Variants in SPATA31C2 observed in about 807,000 individuals in gnomAD.
SPATA31C2 encodes SPATA31 subfamily C member 2.
SPATA31C2 carries 5 observed loss-of-function variants against 11.4 expected under a neutral mutation model. The ratio of observed to expected loss-of-function variants is 0.44; its 90% CI spans 0.23 to 0.92. The LOEUF is 0.92. Among genes scored for constraint, SPATA31C2 ranks in the 40% least tolerant of loss-of-function variants. The probability of loss-of-function intolerance (pLI) is 0.24; values close to 1 mark genes in which losing one functional copy is unlikely to be tolerated. For synonymous variants in SPATA31C2, 515 were observed against 538.7 expected (o/e 0.96, Z 0.61); for missense variants, 1,353 against 1,368.6 (o/e 0.99, Z 0.18).
intron 1 of SPATA31C2, among the ~76,000 whole-genome samples, chr9:88,136,127 G>A (rs1476784357): frequency 7.3e-6 from 1 of 136,798 alleles, no homozygotes; most frequent in Non-Finnish European, 1.5e-5. Flanking sequence ...TAGAGACTGG[G>A]TTTCACCGTG....
chr9:88,133,992 A>G (rs765329927), intron 1 of SPATA31C2, among the ~76,000 whole-genome samples: 123 of 151,864 alleles, frequency 8.1e-4, no homozygotes, highest in Non-Finnish European at 1.4e-3. Flanking sequence ...CATCTCTACT[A>G]AAAATACAAA....
rs774015685 is a variant in SPATA31C2 at position 88,132,170 on chromosome 9, C to T, written c.867G>A (p.Ser289=). ...SNSQVSALSW[S]QETTKTWCVF... is the part of the protein sequence containing the mutation. The stretch of plus-strand genomic sequence containing the variant: ...CGCACCAGGTTTTGGTAGTCTCCTG[C>T]GACCAGGAGAGGGCAGAAACTTGAC... The change falls in exon 4 of 4, where the codon TCG becomes TCA. Residue 289 remains serine, a synonymous_variant. Transcript: ENST00000324915. 4.2e-5 allele frequency: 67 copies of T among 1,610,486 alleles called. No individual in the cohort carries two copies. The highest frequency in any genetic ancestry group is 5.0e-5 in the Non-Finnish European group (59 of 1,177,604).
At position 88,131,318 on chromosome 9, in the gene SPATA31C2, T is replaced by C; in HGVS notation, c.1719A>G (p.Glu573=). Residue 573 remains glutamate (E), a synonymous_variant, in exon 4 of 4, where the codon GAA becomes GAG. Transcript: ENST00000324915. ...LLRRTERNHI[E]NILKAHMSRK... is the part of the protein sequence containing the mutation. ...TGCTCATGTGGGCTTTCAGGATGTT[T>C]TCTATATGATTCCTCTCTGTGCGTC... The C allele has an allele frequency of 6.2e-7, 1 of 1,611,910 alleles. No individual in the cohort carries two copies. Among genetic ancestry groups the C allele is most frequent in the Non-Finnish European group, 8.5e-7 (1 of 1,179,864 alleles).
intron 1 of SPATA31C2, among the ~76,000 whole-genome samples, chr9:88,134,377 GAA>G (rs1825651033): frequency 6.8e-6 from 1 of 147,954 alleles, no homozygotes; most frequent in Non-Finnish European, 1.5e-5. Context: ...ACCCCACACA[GAA>G]GAGGCTGGGT....
In SPATA31C2 at chr9:88,132,641, C is replaced by T. The variant is rs369704836; in HGVS notation, c.396G>A (p.Val132=). The T allele has an allele frequency of 6.2e-6, 10 of 1,609,154 alleles. No homozygotes were observed. In the East Asian group the frequency reaches 1.8e-4, roughly 29 times the overall value. ...QLSGPDPPGE[V]GKRTPDGASR... ...AGGCTCCATCAGGTGTTCTTTTGCCCACCTCACCTGGCGGGTCTGGACCAG... is the reference window on the plus strand; with the variant it reads ...AGGCTCCATCAGGTGTTCTTTTGCCTACCTCACCTGGCGGGTCTGGACCAG... The change falls in exon 4 of 4, where the codon GTG becomes GTA. Residue 132 remains valine (V), a synonymous_variant. Coordinates refer to ENST00000324915, the MANE Select transcript of SPATA31C2 (RefSeq NM_001350978.3).
rs760996535 is a variant in SPATA31C2 at position 88,130,634 on chromosome 9, C to T, written c.2403G>A (p.Val801=). 6.2e-6 allele frequency: 10 copies of T among 1,613,664 alleles called. No homozygotes were observed. Among genetic ancestry groups the T allele is most frequent in the East Asian group, 2.2e-5 (1 of 44,826 alleles). ...SSRAGETREA[V]PQPTVPLGTC... is the part of the protein sequence containing the mutation. ...TTCCCAAGGGGACTGTGGGTTGTGGCACTGCCTCCCTGGTCTCTCCAGCCC... is the reference window on the plus strand; with the variant it reads ...TTCCCAAGGGGACTGTGGGTTGTGGTACTGCCTCCCTGGTCTCTCCAGCCC... The change falls in exon 4 of 4, where the codon GTG becomes GTA. Residue 801 remains valine, a synonymous_variant. Transcript: ENST00000324915.
intron 1 of SPATA31C2, among the ~76,000 whole-genome samples, chr9:88,135,267 G>A (rs1422611494): frequency 8.8e-6 from 1 of 113,266 alleles, no homozygotes; most frequent in African/African-American, 4.8e-5. Context: ...TATTGGAGTC[G>A]GTGGCTTGAG....
At position 88,135,986 on chromosome 9, in the gene SPATA31C2, T is replaced by C. The variant is rs1438130568; in HGVS notation, c.189+2272A>G. Among the ~76,000 whole-genome samples the C allele has an allele frequency of 5.9e-5, 8 of 136,432 alleles. No homozygotes were observed. The Admixed American group carries it at 5.9e-4, about 10-fold the overall frequency. The allele number at this position is 136,432 out of a possible 152,430, so 89.5% of individuals were successfully genotyped here. On this transcript the variant is annotated intron_variant, in intron 1 of 3. Coordinates refer to ENST00000324915, the MANE Select transcript of SPATA31C2 (RefSeq NM_001350978.3). ...TCTCACTCTGTTGCCCAGGCTGGAG[T>C]GCAGTGGCACGCTCTTGGCTCACTG...
chr9:88,137,988 G>GA (rs1563964870), intron 1 of SPATA31C2, among the ~76,000 whole-genome samples: 2 of 104,052 alleles, frequency 1.9e-5, no homozygotes, highest in East Asian at 1.7e-3. Context: ...TCTCATGACC[G>GA]GTCCTGGCCG....
In SPATA31C2 at chr9:88,132,691, C is replaced by G. The variant is rs781515394; in HGVS notation, c.346G>C (p.Glu116Gln). The G allele has an allele frequency of 1.9e-6, 3 of 1,605,660 alleles. No individual in the cohort carries two copies. Among genetic ancestry groups the G allele is most frequent in the Admixed American group, 3.4e-5 (2 of 59,344 alleles). The change falls in exon 4 of 4, where the codon GAA becomes CAA. Residue 116 changes from glutamate (E) to glutamine (Q), a missense_variant. Coordinates refer to ENST00000324915, the MANE Select transcript of SPATA31C2 (RefSeq NM_001350978.3). Reference sequence around the variant, plus strand: ...GAGAGCTGACCAAAGTCACCTTTTTCAAGGTGTGGCCCCAGGAGGCTGCAG... The same window carrying G: ...GAGAGCTGACCAAAGTCACCTTTTTGAAGGTGTGGCCCCAGGAGGCTGCAG... ...QLQSLLGPHL[E>Q]KGDFGQLSGP... is the part of the protein sequence containing the mutation.
rs754594284 is a variant in SPATA31C2, at chr9:88,130,106, A to C, written c.2931T>G (p.Pro977=). ...HEEMFQGLRT[P]QLTPGRKTED... The stretch of plus-strand genomic sequence containing the variant: ...CTGTTTTCCTGCCTGGGGTAAGTTG[A>C]GGAGTCCTCAATCCTTGAAACATTT... The change falls in exon 4 of 4, where the codon CCT becomes CCG. Residue 977 remains proline (P), a synonymous_variant. Coordinates refer to ENST00000324915, the MANE Select transcript of SPATA31C2 (RefSeq NM_001350978.3). 8 of 1,607,718 alleles carry C rather than the reference A, an allele frequency of 5.0e-6. No individual in the cohort carries two copies. In the Admixed American group the frequency reaches 1.2e-4, roughly 24 times the overall value.
chr9:88,132,007 A>G lies in SPATA31C2; in HGVS notation c.1030T>C (p.Trp344Arg), dbSNP rs201943385. Reference protein sequence around the residue: ...QPFISSTPQFWPTPMAQAEAQ... With the variant: ...QPFISSTPQFRPTPMAQAEAQ... ...TCGGCCTGAGCCATAGGTGTGGGCC[A>G]GAATTGGGGTGTGGATGAAATAAAG... The change falls in exon 4 of 4, where the codon TGG becomes CGG. Residue 344 changes from tryptophan to arginine, a missense_variant. Around this residue, in one of 6 missense-constraint regions of SPATA31C2, gnomAD observed 1,075 missense variants for 992.8 expected, o/e 1.08. Transcript: ENST00000324915. 0.02 allele frequency: 31,271 copies of G among 1,603,024 alleles called. 2,993 individuals are homozygous for G. The East Asian group carries it at 0.28, about 15-fold the overall frequency.
chr9:88,137,475 A>C (rs1825696424), intron 1 of SPATA31C2, among the ~76,000 whole-genome samples: 1 of 145,328 alleles, frequency 6.9e-6, no homozygotes. Flanking sequence ...TACAAAAATT[A>C]GCCAGGCGTG....
intron 1 of SPATA31C2, 71 bp from the exon 2 acceptor site, chr9:88,133,740 C>A: frequency 1.3e-6 from 2 of 1,501,620 alleles, no homozygotes; most frequent in Non-Finnish European, 1.8e-6. Context: ...CCGCAGCACG[C>A]TGCACTCATG....
chr9:88,137,531 G>A lies in SPATA31C2; in HGVS notation c.189+727C>T, dbSNP rs1391030844. On this transcript the variant is annotated intron_variant, in intron 1 of 3. Transcript: ENST00000324915. ...CCAGCTACTCAGGACGCTAAGACAG[G>A]AGAATAGCTTGAACTCTGGAAGCAA... 7.1e-5 allele frequency among the ~76,000 whole-genome samples: 10 copies of A among 140,682 alleles called. 1 individual carries two copies. The highest frequency in any genetic ancestry group is 1.1e-4 in the Non-Finnish European group (7 of 64,782). The allele number at this position is 140,682 out of a possible 152,430, so 92.3% of individuals were successfully genotyped here.
chr9:88,132,033 G>T lies in SPATA31C2; in HGVS notation c.1004C>A (p.Pro335His). ...GAATTGGGGTGTGGATGAAATAAAGGGTTGGGACTCAGGCTCCAGATGGGA... is the reference window on the plus strand; with the variant it reads ...GAATTGGGGTGTGGATGAAATAAAGTGTTGGGACTCAGGCTCCAGATGGGA... Reference protein sequence around the residue: ...PLSHLEPESQPFISSTPQFWP... With the variant: ...PLSHLEPESQHFISSTPQFWP... Residue 335 changes from proline (P) to histidine (H), a missense_variant, in exon 4 of 4, where the codon CCC (proline) becomes CAC (histidine). Physicochemically the swap from Pro to His is moderately conservative, Grantham distance 77. Around this residue, in one of 6 missense-constraint regions of SPATA31C2, gnomAD observed 1,075 missense variants for 992.8 expected, o/e 1.08. Coordinates refer to ENST00000324915, the MANE Select transcript of SPATA31C2 (RefSeq NM_001350978.3). The T allele has an allele frequency of 6.2e-7, 1 of 1,610,926 alleles. No individual in the cohort carries two copies. The highest frequency in any genetic ancestry group is 8.5e-7 in the Non-Finnish European group (1 of 1,177,750).
At chr9:88,133,981 C>G (rs1825645141) in intron 1 of SPATA31C2, among the ~76,000 whole-genome samples, 1 of 151,940 alleles carries the variant, frequency 6.6e-6, no homozygotes, top group South Asian at 2.1e-4. Flanking sequence ...TGGTGAAACC[C>G]CATCTCTACT....
chr9:88,132,304 G>T lies in SPATA31C2; in HGVS notation c.733C>A (p.His245Asn), dbSNP rs546793631. ...LRDSTLLTPSHCDSVALPLDT... is the reference protein window; with the variant it reads ...LRDSTLLTPSNCDSVALPLDT... ...AGTGGAAGTGCCACTGAGTCACAGT[G>T]AGATGGTGTTAACAGAGTGGAGTCC... is the stretch of plus-strand genomic sequence containing the variant. The change falls in exon 4 of 4, where the codon CAC (histidine) becomes AAC (asparagine). Residue 245 changes from histidine to asparagine, a missense_variant. Physicochemically the swap from His to Asn is moderately conservative, Grantham distance 68. Coordinates refer to ENST00000324915, the MANE Select transcript of SPATA31C2 (RefSeq NM_001350978.3). 7.4e-6 allele frequency: 12 copies of T among 1,610,900 alleles called. No homozygotes were observed. The African/African-American group carries it at 1.5e-4, about 20-fold the overall frequency.
intron 1 of SPATA31C2, among the ~76,000 whole-genome samples, chr9:88,137,287 A>T (rs537213417): frequency 6.7e-6 from 1 of 148,380 alleles, no homozygotes; most frequent in South Asian, 2.1e-4. Context: ...TAGATACCAT[A>T]GACAAAACAA....
Sources: allele counts gnomAD v4.1 joint callset (sites outside exome capture counted in the v4.1 genomes callset), GRCh38; gene constraint gnomAD v4.1.1; regional missense constraint gnomAD v4.1.1; transcripts MANE v1.5; gene names NCBI Gene and HGNC (gene_info 2026-07-23, HGNC 2026-07-21).